UBIAD1: variants seen among roughly 807,000 people sequenced by gnomAD.
UBIAD1 encodes the protein ubiA prenyltransferase domain-containing protein 1.
Under a neutral mutation model 20.1 loss-of-function variants are expected in UBIAD1, and 12 were observed. That is an observed-to-expected ratio of 0.60 (90% CI 0.38 to 0.97). UBIAD1 has a LOEUF of 0.97. UBIAD1 is among the 50% of genes least tolerant of loss of function. The probability of loss-of-function intolerance (pLI) is 0.00; values close to 1 mark genes in which losing one functional copy is unlikely to be tolerated. For synonymous variants in UBIAD1, 207 were observed against 189.2 expected, an observed-to-expected ratio of 1.09 and a Z score of -0.77; for missense variants, 333 against 419.5, an observed-to-expected ratio of 0.79 and a Z score of 1.80.
At chr1:11,294,034 CTAAA>C (rs1356607244) in intron 1 of UBIAD1, among the ~76,000 whole-genome samples, 1 of 152,160 alleles carries the variant, frequency 6.6e-6, no homozygotes, top group African/African-American at 2.4e-5. Flanking sequence ...GTAGAAGTCT[CTAAA>C]TAAATAAACG....
chr1:11,281,237 A>G (rs957506763), intron 1 of UBIAD1, among the ~76,000 whole-genome samples: 5 of 152,196 alleles, frequency 3.3e-5, no homozygotes, highest in Admixed American at 1.3e-4. Context: ...TACCTTGCTT[A>G]AAATTACACA....
At chr1:11,283,027 A>G (rs970744968) in intron 1 of UBIAD1, among the ~76,000 whole-genome samples, 2 of 140,432 alleles carry the variant, frequency 1.4e-5, no homozygotes, top group African/African-American at 5.4e-5. Context: ...CACCCGGCTA[A>G]TTTTTTGTAT....
chr1:11,283,021 C>T (rs1482277109), intron 1 of UBIAD1, among the ~76,000 whole-genome samples: 7 of 151,616 alleles, frequency 4.6e-5, no homozygotes, highest in African/African-American at 4.9e-5. Context: ...CCACTACACC[C>T]GGCTAATTTT....
chr1:11,283,107 C>T (rs1395343041), intron 1 of UBIAD1, among the ~76,000 whole-genome samples: 5 of 152,166 alleles, frequency 3.3e-5, no homozygotes, highest in Admixed American at 1.3e-4. Context: ...GGTGATCCAC[C>T]TGCTTCAGCC....
chr1:11,275,362 A>G (rs1474043994), intron 1 of UBIAD1, among the ~76,000 whole-genome samples: 4 of 152,112 alleles, frequency 2.6e-5, no homozygotes, highest in African/African-American at 9.7e-5. Flanking sequence ...GAAAGATGAT[A>G]AGTGCTATGG....
chr1:11,289,396 G>C (rs569192238), downstream of UBIAD1, among the ~76,000 whole-genome samples: 37 of 152,088 alleles, frequency 2.4e-4, no homozygotes, highest in Non-Finnish European at 1.3e-4. Context: ...CTGCTTTGAT[G>C]GGTCAAAAGA....
intron 1 of UBIAD1, among the ~76,000 whole-genome samples, chr1:11,282,858 G>A (rs149171324): frequency 1.4e-3 from 208 of 147,136 alleles, no homozygotes; most frequent in African/African-American, 5.0e-3. Flanking sequence ...GAGCCACTGT[G>A]CCTGGCCTTT....
chr1:11,282,228 G>A (rs1486491653), intron 1 of UBIAD1, among the ~76,000 whole-genome samples: 2 of 152,178 alleles, frequency 1.3e-5, no homozygotes, highest in Non-Finnish European at 2.9e-5. Flanking sequence ...GTTGCTCTGC[G>A]TCTTGCCAAC....
At chr1:11,289,428 C>G (rs767571436), downstream of UBIAD1, among the ~76,000 whole-genome samples, 20 of 152,054 alleles carry the variant, frequency 1.3e-4, no homozygotes, top group Middle Eastern at 0.01. Flanking sequence ...TGAATAAATA[C>G]AAAGCAATAC....
downstream of UBIAD1, among the ~76,000 whole-genome samples, chr1:11,292,446 C>T (rs1030712783): frequency 5.3e-5 from 8 of 152,082 alleles, no homozygotes; most frequent in Non-Finnish European, 1.0e-4. Context: ...TGAAGAGTCG[C>T]ATCAGAGAGG....
At chr1:11,280,642 C>G (rs1652210887) in intron 1 of UBIAD1, among the ~76,000 whole-genome samples, 1 of 152,226 alleles carries the variant, frequency 6.6e-6, no homozygotes, top group African/African-American at 2.4e-5. Context: ...AGGCCAAAAG[C>G]TGTGGGCATC....
downstream of UBIAD1, chr1:11,295,679 G>C (rs1638436664): frequency 6.6e-6 from 1 of 152,230 alleles, no homozygotes; most frequent in South Asian, 2.1e-4. Flanking sequence ...GGAATACCAG[G>C]TGGGAGGCCC....
At chr1:11,291,623 AAAG>A (rs1194986166), downstream of UBIAD1, among the ~76,000 whole-genome samples, 6 of 152,086 alleles carry the variant, frequency 3.9e-5, no homozygotes, top group East Asian at 1.9e-4. Flanking sequence ...AAAAAAAAAA[AAAG>A]AAATATGGAA....
downstream of UBIAD1, among the ~76,000 whole-genome samples, chr1:11,289,976 C>T (rs376690814): frequency 2.0e-5 from 3 of 152,222 alleles, no homozygotes; most frequent in East Asian, 1.9e-4. Context: ...GAGATTCACC[C>T]GCCTTGGCCT....
chr1:11,298,691 T>A (rs1390298224), downstream of UBIAD1, among the ~76,000 whole-genome samples: 2 of 152,118 alleles, frequency 1.3e-5, no homozygotes, highest in Non-Finnish European at 2.9e-5. The surrounding 1 kb of genome is among the most constrained non-coding windows in gnomAD (Gnocchi z 4.0). Context: ...AGTGGTGCAG[T>A]TATTATCCTG....
At chr1:11,282,577 T>TTTTC (rs1491104852) in intron 1 of UBIAD1, among the ~76,000 whole-genome samples, 3 of 148,270 alleles carry the variant, frequency 2.0e-5, no homozygotes, top group South Asian at 4.2e-4. Flanking sequence ...TTTTTTTTTT[T>TTTTC]CAAAAGACAG....
chr1:11,278,532 T>G, intron 1 of UBIAD1: 1 of 786,028 alleles, frequency 1.3e-6, no homozygotes, highest in Non-Finnish European at 1.8e-6. Context: ...GTGTGGGTAT[T>G]TTGCATTGTG....
chr1:11,277,487 GTCTC>G (rs764881740), intron 1 of UBIAD1, among the ~76,000 whole-genome samples: 1 of 151,916 alleles, frequency 6.6e-6, no homozygotes, highest in South Asian at 2.1e-4. Flanking sequence ...GGCCAGGCTG[GTCTC>G]TCTAACTCCT....
downstream of UBIAD1, chr1:11,291,962 A>G (rs192693132): frequency 6.6e-6 from 1 of 152,026 alleles, no homozygotes; most frequent in Admixed American, 6.6e-5. Flanking sequence ...TATGTCCCCA[A>G]GTTGAAGCTC....
Sources: gnomAD v4.1 joint callset for allele counts (sites outside exome capture counted in the v4.1 genomes callset) on GRCh38, gnomAD v4.1.1 for gene constraint, Gnocchi (gnomAD v3.1) non-coding constraint, MANE v1.5 for transcripts, NCBI Gene and HGNC (gene_info 2026-07-23, HGNC 2026-07-21) for gene names.